The following CRADD variants were observed in gnomAD, a reference collection of about 807,000 sequenced individuals.
The protein encoded by CRADD is CARD and death domain containing adaptor protein.
Under a neutral mutation model 15.5 loss-of-function variants are expected in CRADD, and 9 were observed. The observed-to-expected ratio is 0.58, with a 90% CI of 0.35 to 1.01. CRADD has a LOEUF of 1.01. Among genes scored for constraint, CRADD ranks in the 50% least tolerant of loss-of-function variants. CRADD has a pLI of 0.02. For missense variants in CRADD, 227 were observed against 250.3 expected, an observed-to-expected ratio of 0.91 and a Z score of 0.63; for synonymous variants, 118 against 107.6, an observed-to-expected ratio of 1.10 and a Z score of -0.60.
chr12:93,814,192 A>G (rs1957664837), intron 2 of CRADD, among the ~76,000 whole-genome samples: 1 of 152,136 alleles, frequency 6.6e-6, no homozygotes. Flanking sequence ...AACAGGATCT[A>G]GTTTCTTGGC....
At chr12:93,701,295 G>GACACACACACACACACACACACACAC (rs55986038) in intron 2 of CRADD, among the ~76,000 whole-genome samples, 1 of 143,352 alleles carries the variant, frequency 7.0e-6, no homozygotes, top group African/African-American at 2.6e-5. Context: ...CTCTCTCTGT[G>GACACACACACACACACACACACACAC]ACACACACAC....
At chr12:93,823,273 CAA>C (rs1261937774) in intron 2 of CRADD, among the ~76,000 whole-genome samples, 1 of 137,560 alleles carries the variant, frequency 7.3e-6, no homozygotes, top group African/African-American at 2.8e-5. Flanking sequence ...GCCTAGGAAA[CAA>C]GAGCGAAACT....
intron 2 of CRADD, among the ~76,000 whole-genome samples, chr12:93,886,518 G>T (rs1958538708): frequency 6.6e-6 from 1 of 152,026 alleles, no homozygotes; most frequent in Non-Finnish European, 1.5e-5. Flanking sequence ...CCACCCATAG[G>T]CATTTCACTT....
chr12:93,883,308 T>TGCTA (rs1958515385), intron 2 of CRADD, among the ~76,000 whole-genome samples: 1 of 152,246 alleles, frequency 6.6e-6, no homozygotes, highest in East Asian at 1.9e-4. Flanking sequence ...TAATGTAAAC[T>TGCTA]GCTACATTTG....
intron 2 of CRADD, among the ~76,000 whole-genome samples, chr12:93,871,860 C>CTAT (rs1235949326): frequency 2.6e-5 from 4 of 152,172 alleles, no homozygotes; most frequent in African/African-American, 9.7e-5. Flanking sequence ...GTAGACAGTG[C>CTAT]TGCAACAAAC....
At chr12:93,844,547 A>T (rs540139315) in intron 2 of CRADD, among the ~76,000 whole-genome samples, 2 of 152,232 alleles carry the variant, frequency 1.3e-5, no homozygotes, top group South Asian at 4.1e-4. Context: ...GGCCCTATTT[A>T]CAAGGGCTAA....
At chr12:93,721,387 T>TA (rs1306510346) in intron 2 of CRADD, among the ~76,000 whole-genome samples, 2 of 152,212 alleles carry the variant, frequency 1.3e-5, no homozygotes, top group Non-Finnish European at 2.9e-5. Flanking sequence ...CCTCCTGTCT[T>TA]ATGCTGTCAT....
rs1955218762 is a variant in CRADD, at chr12:93,678,837, G to T, written c.63G>T (p.Leu21Phe). The change falls in exon 2 of 3, where the codon TTG becomes TTT. Residue 21 changes from leucine to phenylalanine, a missense_variant. Transcript: ENST00000332896. ...SLRLELGAEVLVEGLVLQYLY... is the reference protein window; with the variant it reads ...SLRLELGAEVFVEGLVLQYLY... ...GCCTGGAGCTGGGTGCAGAGGTATT[G>T]GTGGAGGGACTGGTTCTTCAGTACC... The T allele has an allele frequency of 6.2e-7, 1 of 1,614,062 alleles. No homozygotes were observed. The highest frequency in any genetic ancestry group is 1.3e-5 in the African/African-American group (1 of 74,918).
chr12:93,819,712 T>C (rs1029105272), intron 2 of CRADD, among the ~76,000 whole-genome samples: 3 of 152,216 alleles, frequency 2.0e-5, no homozygotes, highest in Admixed American at 6.5e-5. Context: ...ACTTGTTACT[T>C]GGTGTGCGTA....
chr12:93,747,247 T>C (rs1222022196), intron 2 of CRADD, among the ~76,000 whole-genome samples: 1 of 152,120 alleles, frequency 6.6e-6, no homozygotes, highest in Non-Finnish European at 1.5e-5. Flanking sequence ...TCCATCAGGC[T>C]GGAGTCAGAG....
At chr12:93,878,709 C>T (rs1165341168) in intron 2 of CRADD, among the ~76,000 whole-genome samples, 1 of 152,196 alleles carries the variant, frequency 6.6e-6, no homozygotes, top group Non-Finnish European at 1.5e-5. Flanking sequence ...GGTTTAAATG[C>T]CTCCTCCATG....
At chr12:93,690,666 G>A (rs1215806294) in intron 2 of CRADD, among the ~76,000 whole-genome samples, 2 of 152,230 alleles carry the variant, frequency 1.3e-5, no homozygotes, top group African/African-American at 4.8e-5. Flanking sequence ...CAGATGAGGA[G>A]ACTAAGGTGT....
intron 2 of CRADD, among the ~76,000 whole-genome samples, chr12:93,680,755 G>A (rs1955267499): frequency 6.6e-6 from 1 of 152,184 alleles, no homozygotes; most frequent in South Asian, 2.1e-4. Context: ...GTTTCTGCTG[G>A]CATCATATAG....
chr12:93,713,985 A>G (rs1956119506), intron 2 of CRADD, among the ~76,000 whole-genome samples: 1 of 152,236 alleles, frequency 6.6e-6, no homozygotes, highest in Non-Finnish European at 1.5e-5. Context: ...ATCACTGTGC[A>G]GATGAGGTGA....
At chr12:93,696,023 A>G (rs768131456) in intron 2 of CRADD, among the ~76,000 whole-genome samples, 7 of 152,258 alleles carry the variant, frequency 4.6e-5, no homozygotes, top group Non-Finnish European at 1.0e-4. Flanking sequence ...TGGAAATTAA[A>G]ATTATAATGA....
intron 2 of CRADD, among the ~76,000 whole-genome samples, chr12:93,758,317 A>G (rs1199468080): frequency 6.6e-6 from 1 of 152,184 alleles, no homozygotes; most frequent in East Asian, 1.9e-4. Context: ...TATTCTTACT[A>G]TGTTGTTTAT....
At chr12:93,892,316 A>C (rs1404664646) in intron 2 of CRADD, among the ~76,000 whole-genome samples, 1 of 152,184 alleles carries the variant, frequency 6.6e-6, no homozygotes. Flanking sequence ...TTCACTTAAA[A>C]ATATTGCATT....
intron 2 of CRADD, among the ~76,000 whole-genome samples, chr12:93,739,835 T>C (rs1956641612): frequency 6.6e-6 from 1 of 152,186 alleles, no homozygotes; most frequent in Admixed American, 6.5e-5. Context: ...ACATTAATAA[T>C]CATTGTGGAG....
At chr12:93,725,025 T>G (rs1956330820) in intron 2 of CRADD, among the ~76,000 whole-genome samples, 1 of 152,040 alleles carries the variant, frequency 6.6e-6, no homozygotes, top group Admixed American at 6.6e-5. Flanking sequence ...CACGCTTGGC[T>G]AATTTTTTGT....
Sources: allele counts gnomAD v4.1 joint callset (sites outside exome capture counted in the v4.1 genomes callset), GRCh38; gene constraint gnomAD v4.1.1; transcripts MANE v1.5; gene names NCBI Gene and HGNC (gene_info 2026-07-23, HGNC 2026-07-21).